The following LRP5 variants were observed in gnomAD, a reference collection of about 807,000 sequenced individuals.
LRP5 encodes low-density lipoprotein receptor-related protein 5.
A neutral mutation model predicts 154.1 loss-of-function variants in LRP5; 62 were observed. The observed-to-expected ratio is 0.40, with a 90% CI of 0.33 to 0.50. The LOEUF is 0.50. Ranked by LOEUF, LRP5 falls within the 20% of genes least tolerant of loss-of-function variation. LRP5 has a pLI of 0.55. For synonymous variants in LRP5, 966 were observed against 1,011.5 expected, an observed-to-expected ratio of 0.96 and a Z score of 0.85; for missense variants, 1,915 against 2,336.7, an observed-to-expected ratio of 0.82 and a Z score of 3.72.
chr11:68,360,068 C>T (rs1434452939), intron 3 of LRP5, among the ~76,000 whole-genome samples: 2 of 151,920 alleles, frequency 1.3e-5, no homozygotes, highest in South Asian at 2.1e-4. Flanking sequence ...GGATTACAGG[C>T]GTGAGCCACC....
intron 1 of LRP5, among the ~76,000 whole-genome samples, chr11:68,343,967 TG>T (rs950986266): frequency 6.6e-6 from 1 of 152,116 alleles, no homozygotes; most frequent in Non-Finnish European, 1.5e-5. Flanking sequence ...GTCTTGGAGT[TG>T]GGGTGCCTGC....
At position 68,386,723 on chromosome 11, in the gene LRP5, CGG is replaced by C; in HGVS notation, c.1412+15_1412+16del. The C allele has an allele frequency of 6.2e-7, 1 of 1,609,492 alleles. No homozygotes were observed. The highest frequency in any genetic ancestry group is 8.5e-7 in the Non-Finnish European group (1 of 1,178,040). On this transcript the variant is annotated intron_variant, in intron 6 of 22. Transcript: ENST00000294304. The surrounding 1 kb of genome is among the most constrained non-coding windows in gnomAD (Gnocchi z 7.9). ...GCACCCCGTGATGGGGTAAGACGGGCGGGGGCTGGGGCCTGGAGCCAGGGCCA... is the reference window on the plus strand; with the variant it reads ...GCACCCCGTGATGGGGTAAGACGGGCGGGCTGGGGCCTGGAGCCAGGGCCA...
At chr11:68,368,847 C>CTT (rs1158183018) in intron 5 of LRP5, among the ~76,000 whole-genome samples, 57 of 132,210 alleles carry the variant, frequency 4.3e-4, no homozygotes, top group South Asian at 7.2e-4. Flanking sequence ...TGAAGGATAT[C>CTT]TTTTTTTTTT....
At chr11:68,366,553 C>T (rs1047072796) in intron 5 of LRP5, among the ~76,000 whole-genome samples, 2 of 151,946 alleles carry the variant, frequency 1.3e-5, no homozygotes, top group African/African-American at 4.8e-5. Flanking sequence ...TGTGTGTGGT[C>T]GTGGCGCCCG....
At chr11:68,406,877 C>T (rs2098656010) in intron 9 of LRP5, 64 bp downstream of exon 9, 4 of 1,528,660 alleles carry the variant, frequency 2.6e-6, no homozygotes, top group Non-Finnish European at 2.7e-6. Context: ...CTGTTCCTGC[C>T]TCAAAGGCTT....
At chr11:68,313,957 G>C (rs2098590950) in intron 1 of LRP5, among the ~76,000 whole-genome samples, 1 of 152,190 alleles carries the variant, frequency 6.6e-6, no homozygotes, top group African/African-American at 2.4e-5. Flanking sequence ...GGAGCTTGGA[G>C]TTTGTTTCAC....
intron 5 of LRP5, among the ~76,000 whole-genome samples, chr11:68,369,213 G>A (rs887790212): frequency 5.3e-5 from 8 of 152,178 alleles, no homozygotes; most frequent in Non-Finnish European, 1.0e-4. Context: ...TTCTCTTTGT[G>A]TTTTTGCCAT....
chr11:68,330,472 A>G (rs1024015816), intron 1 of LRP5, among the ~76,000 whole-genome samples: 11 of 152,126 alleles, frequency 7.2e-5, no homozygotes, highest in Non-Finnish European at 1.6e-4. Flanking sequence ...CGGTGCATGG[A>G]TGTTCCCTCC....
chr11:68,378,893 A>G (rs1405782466), intron 5 of LRP5, among the ~76,000 whole-genome samples: 3 of 151,938 alleles, frequency 2.0e-5, no homozygotes, highest in African/African-American at 4.8e-5. Flanking sequence ...ACTAAAAATA[A>G]AAGATTAGCC....
chr11:68,440,176 C>T lies in LRP5; in HGVS notation c.4488+260C>T, dbSNP rs553853781. Among the ~76,000 whole-genome samples, 14 of 152,334 alleles carry T rather than the reference C, an allele frequency of 9.2e-5. No homozygotes were observed. In the South Asian group the frequency reaches 1.7e-3, roughly 18 times the overall value. ...ACCTCCTAGAGTGGCTGTTGGGCTC[C>T]GTCAGCATCCAGGCGGCCGTCTGTG... On this transcript the variant is annotated intron_variant, in intron 21 of 22. Coordinates refer to ENST00000294304, the MANE Select transcript of LRP5 (RefSeq NM_002335.4).
At chr11:68,369,278 C>T (rs994447695) in intron 5 of LRP5, among the ~76,000 whole-genome samples, 10 of 152,082 alleles carry the variant, frequency 6.6e-5, no homozygotes, top group African/African-American at 2.4e-4. Flanking sequence ...TGGCTTGGGG[C>T]CTGGCCACTG....
At chr11:68,435,068 C>T (rs2098674115) in intron 18 of LRP5, among the ~76,000 whole-genome samples, 1 of 152,170 alleles carries the variant, frequency 6.6e-6, no homozygotes, top group African/African-American at 2.4e-5. Flanking sequence ...CATGCCCATT[C>T]ATTCATTTGC....
intron 1 of LRP5, among the ~76,000 whole-genome samples, chr11:68,326,966 C>T (rs2098600051): frequency 6.6e-6 from 1 of 152,214 alleles, no homozygotes; most frequent in South Asian, 2.1e-4. Flanking sequence ...TTGAGGAGAA[C>T]GTGGACTTTG....
intron 7 of LRP5, among the ~76,000 whole-genome samples, chr11:68,396,051 T>C (rs143839451): frequency 4.1e-4 from 62 of 151,954 alleles, no homozygotes; most frequent in Non-Finnish European, 3.7e-4. Flanking sequence ...GAGTACGCAG[T>C]GTGTGCCAGC....
At chr11:68,445,194 G>C (rs1253099951) in intron 21 of LRP5, among the ~76,000 whole-genome samples, 1 of 152,098 alleles carries the variant, frequency 6.6e-6, no homozygotes, top group Admixed American at 6.6e-5. Flanking sequence ...CTGCCTCCAG[G>C]GTTCAAGGGA....
Position 68,409,078 on chromosome 11 carries a change from A to ATG in LRP5, c.2092-835_2092-834insGT, listed in dbSNP as rs1448560201. Among the ~76,000 whole-genome samples, 19 of 40,128 alleles carry ATG rather than the reference A, an allele frequency of 4.7e-4. No individual in the cohort carries two copies. In the East Asian group the frequency reaches 7.8e-3, roughly 17 times the overall value. The allele number at this position is 40,128 out of a possible 152,430, so 26.3% of individuals were successfully genotyped here. A position where few individuals can be genotyped will look rare whatever the true frequency, so the allele number is the denominator to read the frequency against. The stretch of plus-strand genomic sequence containing the variant: ...AAAAAAAAAAAAAAAAAAAAAATAT[A>ATG]TATATATATATATATATACACACAC... On this transcript the variant is annotated intron_variant, in intron 9 of 22. Coordinates refer to ENST00000294304, the MANE Select transcript of LRP5 (RefSeq NM_002335.4).
intron 21 of LRP5, among the ~76,000 whole-genome samples, chr11:68,443,571 ATATATATATATATAT>A (rs1432615237): frequency 7.0e-5 from 3 of 42,672 alleles, no homozygotes; most frequent in Non-Finnish European, 4.3e-5. Context: ...ATATATATAT[ATATATATATATATAT>A]TTTTTTTTTT....
chr11:68,365,489 G>A (rs2098630460), intron 4 of LRP5, 82 bp from the exon 5 acceptor site: 1 of 1,602,978 alleles, frequency 6.2e-7, no homozygotes, highest in Non-Finnish European at 8.5e-7. Flanking sequence ...TGTCACGGGG[G>A]ACGAGGCAGG....
Position 68,329,562 on chromosome 11 carries a change from T to C in LRP5, c.91+16757T>C, listed in dbSNP as rs542684016. Among the ~76,000 whole-genome samples the C allele has an allele frequency of 4.6e-5, 7 of 152,346 alleles. No individual in the cohort carries two copies. The East Asian group carries it at 7.7e-4, about 17-fold the overall frequency. ...TTTCAGTAAGTGCAAGCCCTCCTTG[T>C]CATCCCAGACCTCAGCCTGCCCATT... is the stretch of plus-strand genomic sequence containing the variant. On this transcript the variant is annotated intron_variant, in intron 1 of 22. Coordinates refer to ENST00000294304, the MANE Select transcript of LRP5 (RefSeq NM_002335.4).
Sources: gnomAD v4.1 joint callset for allele counts (sites outside exome capture counted in the v4.1 genomes callset) on GRCh38, gnomAD v4.1.1 for gene constraint, Gnocchi (gnomAD v3.1) non-coding constraint, MANE v1.5 for transcripts, NCBI Gene and HGNC (gene_info 2026-07-23, HGNC 2026-07-21) for gene names.